The following MAP3K15 variants were observed in gnomAD, a reference collection of about 807,000 sequenced individuals.
MAP3K15 encodes the protein mitogen-activated protein kinase kinase kinase 15.
A neutral mutation model predicts 99.5 loss-of-function variants in MAP3K15; 124 were observed. The observed-to-expected ratio is 1.25, with a 90% confidence interval of 1.08 to 1.45. MAP3K15 has a LOEUF of 1.45. Ranked by LOEUF, MAP3K15 falls within the 40% of genes most tolerant of loss-of-function variation. The pLI, the probability that MAP3K15 is intolerant of heterozygous loss-of-function variation, is 0.00. For missense variants in MAP3K15, 1,242 were observed against 1,079.7 expected, an observed-to-expected ratio of 1.15 and a Z score of -2.11; for synonymous variants, 494 against 439.6, an observed-to-expected ratio of 1.12 and a Z score of -1.55.
intron 6 of MAP3K15, among the ~76,000 whole-genome samples, chrX:19,434,517 C>T (rs778364565): frequency 5.4e-5 from 6 of 110,510 alleles, no homozygotes; most frequent in Admixed American, 1.9e-4. Context: ...GGATTACAGG[C>T]GTGAGCCACT....
intron 18 of MAP3K15, among the ~76,000 whole-genome samples, chrX:19,389,021 C>T (rs1249373133): frequency 1.8e-5 from 2 of 111,320 alleles, no homozygotes; most frequent in Non-Finnish European, 3.8e-5. Context: ...CAGGACTCAA[C>T]GTGCAAGAAG....
chrX:19,363,851 C>A (rs756138271), intron 25 of MAP3K15, among the ~76,000 whole-genome samples: 1 of 110,777 alleles, frequency 9.0e-6, no homozygotes, highest in African/African-American at 3.3e-5. Context: ...CAGGGTTACA[C>A]CATATTGGCC....
At chrX:19,429,612 G>C (rs775515997) in intron 7 of MAP3K15, among the ~76,000 whole-genome samples, 4 of 109,790 alleles carry the variant, frequency 3.6e-5, no homozygotes, top group African/African-American at 6.6e-5. Flanking sequence ...TGGACAAAGG[G>C]GGGGAGGTGT....
chrX:19,390,365 T>C (rs187181912), intron 18 of MAP3K15, among the ~76,000 whole-genome samples: 1,848 of 94,143 alleles, frequency 0.02, 69 homozygotes, highest in African/African-American at 0.071. Flanking sequence ...TGGAGTGCAG[T>C]GGCACAATCA....
chrX:19,424,733 C>T (rs958143163), intron 9 of MAP3K15, among the ~76,000 whole-genome samples: 1 of 110,575 alleles, frequency 9.0e-6, no homozygotes. Flanking sequence ...GCAGCCTTGA[C>T]CTCCCAGGCT....
Position 19,373,647 on chromosome X carries a change from A to C in MAP3K15, c.2822T>G (p.Met941Arg). 8.3e-7 allele frequency: 1 copy of C among 1,201,417 alleles called. No individual in the cohort carries two copies. Among genetic ancestry groups the C allele is most frequent in the Admixed American group, 2.2e-5 (1 of 45,223 alleles). Reference sequence around the variant, plus strand: ...GCCGTGCTCGCTGCTGCTGGTGGCCATGGGCTCTCCCTGTGTGGGCAGGGC... The same window carrying C: ...GCCGTGCTCGCTGCTGCTGGTGGCCCTGGGCTCTCCCTGTGTGGGCAGGGC... ...VLALPTQGEP[M>R]ATSSSEHGSV... Residue 941 changes from methionine (M) to arginine (R), a missense_variant, in exon 21 of 29, where the codon ATG becomes AGG. Transcript: ENST00000338883.
At chrX:19,435,288 C>T (rs1455852723) in intron 6 of MAP3K15, among the ~76,000 whole-genome samples, 1 of 105,805 alleles carries the variant, frequency 9.5e-6, no homozygotes, top group Admixed American at 1.0e-4. Context: ...TGCAGTGGTA[C>T]GATCTCGGTT....
chrX:19,420,199 T>C (rs1321295785), intron 9 of MAP3K15, among the ~76,000 whole-genome samples: 1 of 110,414 alleles, frequency 9.1e-6, no homozygotes, highest in Non-Finnish European at 1.9e-5. Context: ...AGAGCAGAAC[T>C]GAAGGAAATA....
intron 3 of MAP3K15, among the ~76,000 whole-genome samples, chrX:19,479,789 C>G (rs2064276573): frequency 8.9e-6 from 1 of 112,034 alleles, no homozygotes; most frequent in Non-Finnish European, 1.9e-5. Context: ...AAGTGATAAA[C>G]TGCAGAAAGT....
At chrX:19,479,871 C>A (rs2064276878) in intron 3 of MAP3K15, among the ~76,000 whole-genome samples, 2 of 112,270 alleles carry the variant, frequency 1.8e-5, no homozygotes, top group South Asian at 3.7e-4. Context: ...ACAGGAAAAA[C>A]CAGAAGCCAT....
In MAP3K15 at chrX:19,395,110, A is replaced by G; in HGVS notation, c.2165T>C (p.Ile722Thr). 2 of 1,208,605 alleles carry G rather than the reference A, an allele frequency of 1.7e-6. No homozygotes were observed. Among genetic ancestry groups the G allele is most frequent in the Non-Finnish European group, 2.2e-6 (2 of 893,629 alleles). The change falls in exon 16 of 29, where the codon ATT (isoleucine) becomes ACT (threonine). Residue 722 changes from isoleucine (I) to threonine (T), a missense_variant. By Grantham distance (89) the Ile-to-Thr change is moderately conservative. Coordinates refer to ENST00000338883, the MANE Select transcript of MAP3K15 (RefSeq NM_001001671.4). ...AGGCACCTGCTCCATAAATATCTTA[A>G]TGTAGCCGTTCTCTGAAACAGAGCC... ...YLGSVSENGYIKIFMEQVPGG... is the reference protein window; with the variant it reads ...YLGSVSENGYTKIFMEQVPGG...
chrX:19,371,238 C>T, intron 23 of MAP3K15, 107 bp downstream of exon 23: 1 of 915,031 alleles, frequency 1.1e-6, no homozygotes. Flanking sequence ...GCTGCTGAAG[C>T]TTGGGATTCA....
intron 18 of MAP3K15, among the ~76,000 whole-genome samples, chrX:19,384,566 C>T (rs1423552787): frequency 9.3e-6 from 1 of 107,023 alleles, no homozygotes; most frequent in African/African-American, 3.4e-5. Flanking sequence ...ACAGCGAAAC[C>T]CCATCTCTAC....
At chrX:19,470,168 T>A (rs2064197791) in intron 3 of MAP3K15, among the ~76,000 whole-genome samples, 1 of 111,594 alleles carries the variant, frequency 9.0e-6, no homozygotes, top group Admixed American at 9.5e-5. Flanking sequence ...CCAACAACGA[T>A]AGACTGGACT....
intron 18 of MAP3K15, among the ~76,000 whole-genome samples, chrX:19,383,843 G>A (rs915273193): frequency 1.8e-5 from 2 of 111,534 alleles, no homozygotes; most frequent in Non-Finnish European, 1.9e-5. Context: ...TAACAAATGC[G>A]GGCGAGGATG....
rs528452613 is a variant in MAP3K15 at position 19,372,560 on chromosome X, C to T, written c.3108+93G>A. The T allele has an allele frequency of 1.9e-4, 151 of 805,668 alleles. 1 individual carries two copies. The highest frequency in any genetic ancestry group is 1.7e-3 in the South Asian group (61 of 35,869). The allele number at this position is 805,668 out of a possible 1,213,427, so 66.4% of individuals were successfully genotyped here. A position where few individuals can be genotyped will look rare whatever the true frequency, so the allele number is the denominator to read the frequency against. On this transcript the variant is annotated intron_variant, in intron 22 of 28. Transcript: ENST00000338883. ...CCGTAACTATGCAGATGTTCCAGGG[C>T]GGCAGGAACTGAGGTCCTGATTGGA...
At chrX:19,506,993 G>A (rs960609556) in intron 1 of MAP3K15, among the ~76,000 whole-genome samples, 4 of 112,340 alleles carry the variant, frequency 3.6e-5, no homozygotes, top group Non-Finnish European at 7.5e-5. Flanking sequence ...GTTCAGAGAA[G>A]AGTGAAGTTA....
intron 19 of MAP3K15, 62 bp from the exon 20 acceptor site, chrX:19,374,722 T>A: frequency 9.5e-7 from 1 of 1,049,462 alleles, no homozygotes; most frequent in Non-Finnish European, 1.3e-6. Flanking sequence ...CAGGTATCCA[T>A]GTCTCAGTCC....
chrX:19,489,013 T>G (rs2064349282), intron 1 of MAP3K15, 46 bp from the exon 2 acceptor site: 2 of 1,119,495 alleles, frequency 1.8e-6, no homozygotes, highest in Non-Finnish European at 2.4e-6. Flanking sequence ...ATGATCTGTC[T>G]ACTTCATCTA....
Sources: gnomAD v4.1 joint callset for allele counts (sites outside exome capture counted in the v4.1 genomes callset) on GRCh38, gnomAD v4.1.1 for gene constraint, MANE v1.5 for transcripts, NCBI Gene and HGNC (gene_info 2026-07-23, HGNC 2026-07-21) for gene names.